GRSF1: variants seen among roughly 807,000 people sequenced by gnomAD.
The protein encoded by GRSF1 is G-rich sequence factor 1.
GRSF1 carries 50 observed loss-of-function variants against 51.1 expected under a neutral mutation model. The observed-to-expected ratio is 0.98, with a 90% CI of 0.78 to 1.24. The LOEUF is 1.24. GRSF1 is among the 50% of genes most tolerant of loss of function. The pLI, the probability that GRSF1 is intolerant of heterozygous loss-of-function variation, is 0.00. For missense variants in GRSF1, 700 were observed against 639.7 expected (o/e 1.09, Z -1.02); for synonymous variants, 293 against 253.3 (o/e 1.16, Z -1.49).
intron 2 of GRSF1, 60 bp downstream of exon 2, chr4:70,836,098 T>C: frequency 1.0e-6 from 1 of 996,928 alleles, no homozygotes; most frequent in Non-Finnish European, 1.4e-6. Flanking sequence ...CATACATACC[T>C]GCTTGTGAGA....
intron 5 of GRSF1, among the ~76,000 whole-genome samples, chr4:70,829,345 T>C (rs1230860089): frequency 3.6e-5 from 1 of 27,942 alleles, no homozygotes; most frequent in Non-Finnish European, 2.6e-4. Flanking sequence ...CAAAAGTTTT[T>C]TTTTGTTTTT....
chr4:70,838,730 G>C (rs902980444), intron 1 of GRSF1: 2 of 156,988 alleles, frequency 1.3e-5, no homozygotes, highest in African/African-American at 4.8e-5. Flanking sequence ...AAAATGGAAA[G>C]GAAAACATTG....
In GRSF1 at chr4:70,836,173, G is replaced by A; in HGVS notation, c.499C>T (p.Leu167Phe). 6.5e-7 allele frequency: 1 copy of A among 1,537,480 alleles called. No homozygotes were observed. The highest frequency in any genetic ancestry group is 8.7e-7 in the Non-Finnish European group (1 of 1,148,534). ...TAAAATATACCTGAAAAAAAGTTAAGCACATCTTCCATAGTGCATGACCAG... is the reference window on the plus strand; with the variant it reads ...TAAAATATACCTGAAAAAAAGTTAAACACATCTTCCATAGTGCATGACCAG... ...LPWSCTMEDVLNFFSDCRIRN... is the reference protein window; with the variant it reads ...LPWSCTMEDVFNFFSDCRIRN... Residue 167 changes from leucine (L) to phenylalanine (F), a missense_variant, in exon 2 of 10, where the codon CTT becomes TTT. By Grantham distance (22) the Leu-to-Phe change is conservative. Transcript: ENST00000254799.
intron 9 of GRSF1, among the ~76,000 whole-genome samples, chr4:70,823,466 T>C (rs1438435031): frequency 2.5e-5 from 3 of 120,260 alleles, no homozygotes; most frequent in Non-Finnish European, 3.4e-5. Context: ...TAATTCTATT[T>C]CCCAGCAGAA....
At position 70,825,310 on chromosome 4, in the gene GRSF1, T is replaced by A. The variant is rs747387977; in HGVS notation, c.1379A>T (p.Asp460Val). The A allele has an allele frequency of 9.3e-6, 15 of 1,607,790 alleles. No homozygotes were observed. The highest frequency in any genetic ancestry group is 2.7e-5 in the African/African-American group (2 of 74,800). ...HEDAVAAMLK[D>V]RSHVHHRYIE... ...GCAGGACTTACGAACGTGGGACCGA[T>A]CCTTGAGCATCGCTGCAACAGCATC... is the stretch of plus-strand genomic sequence containing the variant. The change falls in exon 8 of 10, where the codon GAT (aspartate) becomes GTT (valine). Residue 460 changes from aspartate (D) to valine (V), a missense_variant. Asp to Val is a radical substitution (Grantham distance 152). Transcript: ENST00000254799.
chr4:70,823,419 A>T (rs963517339), intron 9 of GRSF1, among the ~76,000 whole-genome samples: 5 of 151,672 alleles, frequency 3.3e-5, no homozygotes, highest in Non-Finnish European at 7.4e-5. Flanking sequence ...ATAAATAAAT[A>T]AAATAAAATT....
chr4:70,836,126 AAAT>A, intron 2 of GRSF1, 29 bp downstream of exon 2: 1 of 1,292,364 alleles, frequency 7.7e-7, no homozygotes, highest in Non-Finnish European at 1.0e-6. Flanking sequence ...TAAGGAAAAA[AAAT>A]AAATAAATAA....
chr4:70,842,999 A>AC (rs199947762), upstream of GRSF1, among the ~76,000 whole-genome samples: 4,393 of 152,234 alleles, frequency 0.029, 98 homozygotes, highest in Middle Eastern at 0.054. Flanking sequence ...GTGAGCTGAG[A>AC]CCGCACCACT....
At chr4:70,836,351 A>C in intron 1 of GRSF1, 37 bp from the exon 2 acceptor site, 1 of 1,407,896 alleles carries the variant, frequency 7.1e-7, no homozygotes, top group Non-Finnish European at 9.5e-7. Context: ...AAAGAGTTGC[A>C]TTTACAGGTA....
rs1009128878 is a variant in GRSF1, at chr4:70,839,821, C to G, written c.7G>C (p.Gly3Arg). The G allele has an allele frequency of 6.6e-5, 98 of 1,495,278 alleles. No homozygotes were observed. The highest frequency in any genetic ancestry group is 1.4e-4 in the East Asian group (5 of 35,396). 92.6% of individuals were successfully genotyped at this position (1,495,278 alleles called of 1,614,324 possible). The change falls in exon 1 of 10, where the codon GGC becomes CGC. Residue 3 changes from glycine to arginine, a missense_variant. By Grantham distance (125) the Gly-to-Arg change is moderately radical. Transcript: ENST00000254799. ...AGCGCCCCGAGTACCCAGCGCGTGC[C>G]GGCCATGGACTCCGGAGGCGGCGCA... MA[G>R]TRWVLGALLR...
At chr4:70,823,554 T>G (rs955304061) in intron 9 of GRSF1, among the ~76,000 whole-genome samples, 3 of 151,768 alleles carry the variant, frequency 2.0e-5, no homozygotes, top group African/African-American at 7.3e-5. Context: ...ACACTTCAAT[T>G]ATCATTAGTT....
At position 70,825,960 on chromosome 4, in the gene GRSF1, T is replaced by C. The variant is rs925119475; in HGVS notation, c.1257+164A>G. 2.3e-5 allele frequency: 14 copies of C among 617,354 alleles called. No individual in the cohort carries two copies. The East Asian group carries it at 2.8e-4, about 12-fold the overall frequency. The allele number at this position is 617,354 out of a possible 1,614,324, so 38.2% of individuals were successfully genotyped here. A position where few individuals can be genotyped will look rare whatever the true frequency, so the allele number is the denominator to read the frequency against. On this transcript the variant is annotated intron_variant, in intron 7 of 9. Coordinates refer to ENST00000254799, the MANE Select transcript of GRSF1 (RefSeq NM_002092.4). ...AAAAAGTAATACCAAGCCACACTTT[T>C]CAGCTACAGAAAAAGAAGCAAGCTT...
Position 70,819,935 on chromosome 4 carries a change from T to C in GRSF1, c.*952A>G, listed in dbSNP as rs1223062992. 6.5e-6 allele frequency: 1 copy of C among 152,706 alleles called. No homozygotes were observed. The highest frequency in any genetic ancestry group is 1.5e-5 in the Non-Finnish European group (1 of 68,052). The allele number at this position is 152,706 out of a possible 1,614,324, so 9.5% of individuals were successfully genotyped here. On this transcript the variant is annotated 3_prime_UTR_variant, in exon 10 of 10. Transcript: ENST00000254799. Reference sequence around the variant, plus strand: ...CTTCACACAATTATACATTAAATGCTATTTTTATTTAAGCAAGGCACCCCT... The same window carrying C: ...CTTCACACAATTATACATTAAATGCCATTTTTATTTAAGCAAGGCACCCCT...
rs184227523 is a variant in GRSF1, at chr4:70,822,972, C to G, written c.*25+1322G>C. Among the ~76,000 whole-genome samples the G allele has an allele frequency of 3.7e-3, 557 of 152,276 alleles. 1 individual carries two copies. Among genetic ancestry groups the G allele is most frequent in the Middle Eastern group, 0.01 (3 of 294 alleles). ...ATTAGCCAGGCATTGTGGCGGGCACCTGCAGTCCCAGCTACTCGGGAGACT... is the reference window on the plus strand; with the variant it reads ...ATTAGCCAGGCATTGTGGCGGGCACGTGCAGTCCCAGCTACTCGGGAGACT... On this transcript the variant is annotated intron_variant, in intron 9 of 9. Transcript: ENST00000254799.
At chr4:70,839,930 A>T, upstream of GRSF1, 7 of 989,716 alleles carry the variant, frequency 7.1e-6, no homozygotes, top group Non-Finnish European at 8.2e-6. Context: ...TGCCTGGCAC[A>T]TGCGCCGCGG....
chr4:70,841,966 A>G (rs879590346), upstream of GRSF1, among the ~76,000 whole-genome samples: 2 of 152,212 alleles, frequency 1.3e-5, no homozygotes, highest in Admixed American at 1.3e-4. Flanking sequence ...ATGACAAAAG[A>G]AAACCCCAGA....
intron 9 of GRSF1, among the ~76,000 whole-genome samples, chr4:70,823,255 G>A (rs966559999): frequency 6.6e-6 from 1 of 151,954 alleles, no homozygotes; most frequent in South Asian, 2.1e-4. Flanking sequence ...AAATTAGCTG[G>A]GCGTGGTGGT....
intron 6 of GRSF1, among the ~76,000 whole-genome samples, 157 bp downstream of exon 6, chr4:70,827,695 C>T (rs549456150): frequency 2.8e-4 from 42 of 152,210 alleles, no homozygotes; most frequent in Non-Finnish European, 3.7e-4. Context: ...AGGAGAATCA[C>T]TTGAACCCAG....
chr4:70,839,646 G>A lies in GRSF1; in HGVS notation c.182C>T (p.Ser61Phe), dbSNP rs1222898124. The change falls in exon 1 of 10, where the codon TCC (serine) becomes TTC (phenylalanine). Residue 61 changes from serine (S) to phenylalanine (F), a missense_variant. Physicochemically the swap from Ser to Phe is radical, Grantham distance 155 (BLOSUM62 -2). Coordinates refer to ENST00000254799, the MANE Select transcript of GRSF1 (RefSeq NM_002092.4). ...CCCGGTCTGGAGGCCACGCGTCTGG[G>A]AGGCAGCGGCCGCGGCGGCCCCGAG... is the stretch of plus-strand genomic sequence containing the variant. ...LLLGAAAAAA[S>F]QTRGLQTGPV... The A allele has an allele frequency of 1.4e-6, 2 of 1,398,382 alleles. No homozygotes were observed. Among genetic ancestry groups the A allele is most frequent in the Non-Finnish European group, 1.8e-6 (2 of 1,089,368 alleles). 86.6% of individuals were successfully genotyped at this position (1,398,382 alleles called of 1,614,324 possible).
Sources: allele counts gnomAD v4.1 joint callset (sites outside exome capture counted in the v4.1 genomes callset), GRCh38; gene constraint gnomAD v4.1.1; transcripts MANE v1.5; gene names NCBI Gene and HGNC (gene_info 2026-07-23, HGNC 2026-07-21).